HBG1: variants seen among roughly 807,000 people sequenced by gnomAD.
HBG1 encodes the protein hemoglobin subunit gamma 1.
HBG1 carries 1 observed loss-of-function variant against 5.9 expected under a neutral mutation model. That is an observed-to-expected ratio of 0.17 (90% CI 0.06 to 0.81). The LOEUF (loss-of-function observed/expected upper bound fraction) is 0.81. Among genes scored for constraint, HBG1 ranks in the 30% least tolerant of loss-of-function variants. The pLI, the probability that HBG1 is intolerant of heterozygous loss-of-function variation, is 0.73. For missense variants in HBG1, 57 were observed against 122.0 expected (o/e 0.47, Z 2.51); for synonymous variants, 19 against 50.5 (o/e 0.38, Z 2.64).
At chr11:5,249,285 C>T in intron 2 of HBG1, 83 bp downstream of exon 2, 2 of 819,882 alleles carry the variant, frequency 2.4e-6, no homozygotes, top group Non-Finnish European at 2.0e-6. Flanking sequence ...CAGCTCACAC[C>T]CTGCTGTGCT....
intron 2 of HBG1, among the ~76,000 whole-genome samples, chr11:5,248,804 C>G (rs1847913270): frequency 6.7e-6 from 1 of 148,362 alleles, no homozygotes; most frequent in African/African-American, 2.6e-5. Context: ...ACACACAGAG[C>G]TGACTTTCAA....
At chr11:5,248,770 ACGCG>A (rs1222191441) in intron 2 of HBG1, among the ~76,000 whole-genome samples, 50 of 90,696 alleles carry the variant, frequency 5.5e-4, no homozygotes, top group African/African-American at 1.5e-3. Context: ...ACACACACAC[ACGCG>A]CGCGCGCACA....
rs758518258 is a variant in HBG1 at position 5,248,505 on chromosome 11, G to A, written c.316-18C>T. On this transcript the variant is annotated intron_variant, in intron 2 of 2. Coordinates refer to ENST00000330597, the MANE Select transcript of HBG1 (RefSeq NM_000559.3). ...CCCAGGAGCTGTTGAGATGAAAGGA[G>A]ACAATAAAGATGAACCCATAGTGAG... 1.2e-6 allele frequency: 2 copies of A among 1,609,770 alleles called. No homozygotes were observed. The highest frequency in any genetic ancestry group is 2.2e-5 in the South Asian group (2 of 90,930).
chr11:5,249,173 T>A lies in HBG1; in HGVS notation c.315+195A>T, dbSNP rs1235416018. 3.7e-5 allele frequency among the ~76,000 whole-genome samples: 5 copies of A among 133,520 alleles called. 2 individuals are homozygous for A. The highest frequency in any genetic ancestry group is 1.4e-4 in the African/African-American group (5 of 34,960). 87.6% of individuals were successfully genotyped at this position (133,520 alleles called of 152,430 possible). A position where few individuals can be genotyped will look rare whatever the true frequency, so the allele number is the denominator to read the frequency against. On this transcript the variant is annotated intron_variant, in intron 2 of 2. Coordinates refer to ENST00000330597, the MANE Select transcript of HBG1 (RefSeq NM_000559.3). The stretch of plus-strand genomic sequence containing the variant: ...TTTCTCAAAGTCAAAATTGTCCATC[T>A]AGATTTTTAGAGGCACTCCTTAGGC...
Position 5,248,269 on chromosome 11 carries a change from T to C in HBG1, c.*90A>G, listed in dbSNP as rs1461774502. 23 of 1,545,242 alleles carry C rather than the reference T, an allele frequency of 1.5e-5. No individual in the cohort carries two copies. The East Asian group carries it at 4.5e-4, about 30-fold the overall frequency. Reference sequence around the variant, plus strand: ...TAAAAAAAAGAGCTGAAGAAAATCATGTGTGATCTCTCAGCAGAATAGATT... The same window carrying C: ...TAAAAAAAAGAGCTGAAGAAAATCACGTGTGATCTCTCAGCAGAATAGATT... On this transcript the variant is annotated 3_prime_UTR_variant, in exon 3 of 3. Coordinates refer to ENST00000330597, the MANE Select transcript of HBG1 (RefSeq NM_000559.3).
rs1328031705 is a variant in HBG1 at position 5,248,463 on chromosome 11, C to T, written c.340G>A (p.Val114Ile). ...FKLLGNVLVT[V>I]LAIHFGKEFT... is the part of the protein sequence containing the mutation. The stretch of plus-strand genomic sequence containing the variant: ...TCTTTGCCGAAATGGATTGCCAAAA[C>T]GGTCACCAGCACATTTCCCAGGAGC... Residue 114 changes from valine (V) to isoleucine (I), a missense_variant, in exon 3 of 3, where the codon GTT becomes ATT. This residue lies in a region of HBG1 where 43 missense variants were observed against 44.9 expected (regional missense o/e 0.96). Coordinates refer to ENST00000330597, the MANE Select transcript of HBG1 (RefSeq NM_000559.3). The T allele has an allele frequency of 2.8e-5, 45 of 1,613,322 alleles. No homozygotes were observed. The East Asian group carries it at 4.2e-4, about 15-fold the overall frequency.
rs1429943325 is a variant in HBG1 at position 5,249,589 on chromosome 11, G to T, written c.94C>A (p.Leu32Ile). ...EDAGGETLGR[L>I]LVVYPWTQRF... ...TGGGTCCATGGGTAGACAACCAGGA[G>T]CCTGTGAGATTGACAAGAACAGTTT... The change falls in exon 2 of 3, where the codon CTC becomes ATC. Residue 32 changes from leucine (L) to isoleucine (I), a missense_variant and splice_region_variant. Physicochemically the swap from Leu to Ile is conservative, Grantham distance 5. This residue lies in a region of HBG1 where 14 missense variants were observed against 77.0 expected (regional missense o/e 0.18). Coordinates refer to ENST00000330597, the MANE Select transcript of HBG1 (RefSeq NM_000559.3). 3.9e-6 allele frequency: 3 copies of T among 777,536 alleles called. 1 individual carries two copies. Among genetic ancestry groups the T allele is most frequent in the Non-Finnish European group, 5.7e-6 (3 of 528,430 alleles). 48.2% of individuals were successfully genotyped at this position (777,536 alleles called of 1,614,324 possible).
rs1292097599 is a variant in HBG1 at position 5,248,780 on chromosome 11, GCA to G, written c.316-295_316-294del. Among the ~76,000 whole-genome samples the G allele has an allele frequency of 2.2e-3, 247 of 112,932 alleles. 3 individuals are homozygous for G. The highest frequency in any genetic ancestry group is 6.8e-3 in the East Asian group (33 of 4,822). 74.1% of individuals were successfully genotyped at this position (112,932 alleles called of 152,430 possible). A position where few individuals can be genotyped will look rare whatever the true frequency, so the allele number is the denominator to read the frequency against. The stretch of plus-strand genomic sequence containing the variant: ...GACACACACACACACACGCGCGCGC[GCA>G]CACACACACACACACACAGAGCTGA... On this transcript the variant is annotated intron_variant, in intron 2 of 2. Transcript: ENST00000330597.
chr11:5,248,770 A>ACG (rs1222191441), intron 2 of HBG1, among the ~76,000 whole-genome samples: 7 of 90,740 alleles, frequency 7.7e-5, no homozygotes, highest in Middle Eastern at 5.4e-3. Context: ...ACACACACAC[A>ACG]CGCGCGCGCG....
Position 5,248,271 on chromosome 11 carries a change from T to A in HBG1, c.*88A>T. The A allele has an allele frequency of 1.9e-6, 3 of 1,556,668 alleles. No individual in the cohort carries two copies. Among genetic ancestry groups the A allele is most frequent in the East Asian group, 4.5e-5 (2 of 44,476 alleles). ...AAAAAAAGAGCTGAAGAAAATCATG[T>A]GTGATCTCTCAGCAGAATAGATTTA... On this transcript the variant is annotated 3_prime_UTR_variant, in exon 3 of 3. Coordinates refer to ENST00000330597, the MANE Select transcript of HBG1 (RefSeq NM_000559.3).
Position 5,248,460 on chromosome 11 carries a change from A to G in HBG1, c.343T>C (p.Leu115=), listed in dbSNP as rs1442230673. The change falls in exon 3 of 3, where the codon TTG becomes CTG. Residue 115 remains leucine, a synonymous_variant. Transcript: ENST00000330597. ...KLLGNVLVTV[L]AIHFGKEFTP... is the part of the protein sequence containing the mutation. ...AATTCTTTGCCGAAATGGATTGCCAAAACGGTCACCAGCACATTTCCCAGG... is the reference window on the plus strand; with the variant it reads ...AATTCTTTGCCGAAATGGATTGCCAGAACGGTCACCAGCACATTTCCCAGG... The G allele has an allele frequency of 1.9e-6, 3 of 1,613,538 alleles. No individual in the cohort carries two copies. Among genetic ancestry groups the G allele is most frequent in the Non-Finnish European group, 2.5e-6 (3 of 1,179,696 alleles).
chr11:5,248,349 G>A lies in HBG1; in HGVS notation c.*10C>T. 1.9e-6 allele frequency: 3 copies of A among 1,613,866 alleles called. No homozygotes were observed. Among genetic ancestry groups the A allele is most frequent in the Non-Finnish European group, 2.5e-6 (3 of 1,179,816 alleles). On this transcript the variant is annotated 3_prime_UTR_variant, in exon 3 of 3. Transcript: ENST00000330597. ...CTATCCTTGAAAGCTCTGAATCATG[G>A]GCAGTGAGCTCAGTGGTATCTGGAG...
Position 5,249,647 on chromosome 11 carries a change from C to T in HBG1, c.93-57G>A. ...AGAAGGTGCCACAAATCCTGAGAAG[C>T]GACCTGGACTTTTGCCAGGCACAGG... On this transcript the variant is annotated intron_variant, in intron 1 of 2. Transcript: ENST00000330597. 3 of 524,880 alleles carry T rather than the reference C, an allele frequency of 5.7e-6. No homozygotes were observed. In the Admixed American group the frequency reaches 1.2e-4, roughly 21 times the overall value. 32.5% of individuals were successfully genotyped at this position (524,880 alleles called of 1,614,324 possible). A position where few individuals can be genotyped will look rare whatever the true frequency, so the allele number is the denominator to read the frequency against.
In HBG1 at chr11:5,248,432, G is replaced by T; in HGVS notation, c.371C>A (p.Thr124Asn). 6 of 1,613,992 alleles carry T rather than the reference G, an allele frequency of 3.7e-6. No individual in the cohort carries two copies. The highest frequency in any genetic ancestry group is 5.1e-6 in the Non-Finnish European group (6 of 1,179,950). Reference protein sequence around the residue: ...VLAIHFGKEFTPEVQASWQKM... With the variant: ...VLAIHFGKEFNPEVQASWQKM... ...CTGCCAGGAAGCCTGCACCTCAGGGGTGAATTCTTTGCCGAAATGGATTGC... is the reference window on the plus strand; with the variant it reads ...CTGCCAGGAAGCCTGCACCTCAGGGTTGAATTCTTTGCCGAAATGGATTGC... Residue 124 changes from threonine to asparagine, a missense_variant, in exon 3 of 3, where the codon ACC (threonine) becomes AAC (asparagine). Coordinates refer to ENST00000330597, the MANE Select transcript of HBG1 (RefSeq NM_000559.3).
rs1302028292 is a variant in HBG1 at position 5,249,629 on chromosome 11, G to A, written c.93-39C>T. The A allele has an allele frequency of 1.5e-5, 9 of 602,072 alleles. No individual in the cohort carries two copies. In the East Asian group the frequency reaches 3.1e-4, roughly 21 times the overall value. The allele number at this position is 602,072 out of a possible 1,614,324, so 37.3% of individuals were successfully genotyped here. ...AAGAACAGTTTGACAGTCAGAAGGT[G>A]CCACAAATCCTGAGAAGCGACCTGG... On this transcript the variant is annotated intron_variant, in intron 1 of 2. Coordinates refer to ENST00000330597, the MANE Select transcript of HBG1 (RefSeq NM_000559.3).
chr11:5,248,420 T>G lies in HBG1; in HGVS notation c.383A>C (p.Gln128Pro), dbSNP rs1437692399. Residue 128 changes from glutamine to proline, a missense_variant, in exon 3 of 3, where the codon CAG (glutamine) becomes CCG (proline). Gln to Pro is a moderately conservative substitution (Grantham distance 76). Coordinates refer to ENST00000330597, the MANE Select transcript of HBG1 (RefSeq NM_000559.3). ...AGTCACCATCTTCTGCCAGGAAGCCTGCACCTCAGGGGTGAATTCTTTGCC... is the reference window on the plus strand; with the variant it reads ...AGTCACCATCTTCTGCCAGGAAGCCGGCACCTCAGGGGTGAATTCTTTGCC... ...HFGKEFTPEV[Q>P]ASWQKMVTAV... 6.2e-7 allele frequency: 1 copy of G among 1,613,948 alleles called. No individual in the cohort carries two copies.
chr11:5,248,656 T>G (rs1459940874), intron 2 of HBG1, among the ~76,000 whole-genome samples, 169 bp from the exon 3 acceptor site: 4 of 149,972 alleles, frequency 2.7e-5, no homozygotes, highest in Non-Finnish European at 5.9e-5. Flanking sequence ...TTGTTCCCCT[T>G]CAAGCACTAG....
chr11:5,248,326 A>T lies in HBG1; in HGVS notation c.*33T>A, dbSNP rs762453007. 1 of 1,612,514 alleles carries T rather than the reference A, an allele frequency of 6.2e-7. No homozygotes were observed. The highest frequency in any genetic ancestry group is 8.5e-7 in the Non-Finnish European group (1 of 1,178,644). On this transcript the variant is annotated 3_prime_UTR_variant, in exon 3 of 3. Coordinates refer to ENST00000330597, the MANE Select transcript of HBG1 (RefSeq NM_000559.3). ...TTGTATTGCTTGCAGAATAAAGCCT[A>T]TCCTTGAAAGCTCTGAATCATGGGC... is the stretch of plus-strand genomic sequence containing the variant.
chr11:5,248,715 T>C (rs1389031992), intron 2 of HBG1, among the ~76,000 whole-genome samples: 2 of 151,394 alleles, frequency 1.3e-5, no homozygotes, highest in Non-Finnish European at 2.9e-5. Context: ...CCATGAACCC[T>C]GTATGTTGTA....
Sources: allele counts gnomAD v4.1 joint callset (sites outside exome capture counted in the v4.1 genomes callset), GRCh38; gene constraint gnomAD v4.1.1; regional missense constraint gnomAD v4.1.1; transcripts MANE v1.5; gene names NCBI Gene and HGNC (gene_info 2026-07-23, HGNC 2026-07-21).